Variants in ITGA9 observed in about 807,000 individuals in gnomAD.
ITGA9 encodes the protein integrin subunit alpha 9.
In ITGA9, 56 loss-of-function variants were observed where a neutral mutation model predicts 127.8. The ratio of observed to expected loss-of-function variants is 0.44; its 90% CI spans 0.35 to 0.55. The LOEUF (loss-of-function observed/expected upper bound fraction) is 0.55. Among genes scored for constraint, ITGA9 ranks in the 20% least tolerant of loss-of-function variants. ITGA9 has a pLI of 0.00. For synonymous variants in ITGA9, 508 were observed against 514.5 expected (o/e 0.99, Z 0.17); for missense variants, 1,196 against 1,347.1 (o/e 0.89, Z 1.76).
At chr3:37,718,458 G>C (rs1168813796) in intron 18 of ITGA9, among the ~76,000 whole-genome samples, 1 of 152,172 alleles carries the variant, frequency 6.6e-6, no homozygotes, top group Non-Finnish European at 1.5e-5. Flanking sequence ...ACCAGCATAA[G>C]AATCCCAGAG....
chr3:37,470,261 A>T (rs2125552591), intron 1 of ITGA9, among the ~76,000 whole-genome samples: 1 of 151,444 alleles, frequency 6.6e-6, no homozygotes, highest in South Asian at 2.1e-4. Context: ...GTCAAAGGGT[A>T]GGTGCATGTT....
intron 1 of ITGA9, among the ~76,000 whole-genome samples, chr3:37,456,538 C>A (rs1269551990): frequency 6.6e-6 from 1 of 152,236 alleles, no homozygotes; most frequent in Non-Finnish European, 1.5e-5. Flanking sequence ...CCCGTCCCCT[C>A]CTCCTTCTCT....
chr3:37,510,862 C>G (rs1698897581), intron 8 of ITGA9, among the ~76,000 whole-genome samples: 1 of 152,212 alleles, frequency 6.6e-6, no homozygotes. Flanking sequence ...CTTCCTTCTA[C>G]TAGTGTCTCC....
intron 23 of ITGA9, among the ~76,000 whole-genome samples, chr3:37,765,514 T>C (rs192518271): frequency 6.6e-6 from 1 of 152,304 alleles, no homozygotes; most frequent in East Asian, 1.9e-4. Context: ...GCAAGCTGAA[T>C]AGTCAAGTTC....
At chr3:37,486,616 G>C (rs989692316) in intron 4 of ITGA9, among the ~76,000 whole-genome samples, 1 of 152,176 alleles carries the variant, frequency 6.6e-6, no homozygotes, top group African/African-American at 2.4e-5. Context: ...TTAGTGACTA[G>C]ATAATGAAGG....
Position 37,629,923 on chromosome 3 carries a change from G to A in ITGA9, c.1839+587G>A, listed in dbSNP as rs1700214725. Among the ~76,000 whole-genome samples, 1 of 152,206 alleles carries A rather than the reference G, an allele frequency of 6.6e-6. No individual in the cohort carries two copies. The highest frequency in any genetic ancestry group is 6.5e-5 in the Admixed American group (1 of 15,290). ...AGCCTGTGCCTGATTTTGTGCAGCA[G>A]CGCTGGCCAGCTCTGAGGCGTGCAG... On this transcript the variant is annotated intron_variant, in intron 16 of 27. Transcript: ENST00000264741. This position sits in a 1 kb window ranked among gnomAD's most constrained non-coding sequence, Gnocchi z 4.5.
chr3:37,696,923 G>A (rs544677589), intron 18 of ITGA9, among the ~76,000 whole-genome samples: 4 of 152,238 alleles, frequency 2.6e-5, no homozygotes, highest in South Asian at 2.1e-4. Context: ...GCAGCCCTCC[G>A]GGGTCAGGAT....
At chr3:37,561,075 A>G (rs1486282071) in intron 15 of ITGA9, among the ~76,000 whole-genome samples, 2 of 151,984 alleles carry the variant, frequency 1.3e-5, no homozygotes, top group African/African-American at 2.4e-5. Flanking sequence ...AATTTAATCA[A>G]CCCCTTTAAA....
chr3:37,526,642 G>A (rs1050842992), intron 13 of ITGA9, among the ~76,000 whole-genome samples: 1 of 152,240 alleles, frequency 6.6e-6, no homozygotes, highest in African/African-American at 2.4e-5. Flanking sequence ...CTCCTGCAAA[G>A]GCCAGTGGGC....
At chr3:37,512,120 C>CTTTTCTTTTCTTTTCT (rs60763846) in intron 8 of ITGA9, among the ~76,000 whole-genome samples, 5 of 39,466 alleles carry the variant, frequency 1.3e-4, no homozygotes, top group African/African-American at 2.4e-4. Flanking sequence ...TTCCTTCCTT[C>CTTTTCTTTTCTTTTCT]TTTCTTTTCT....
In ITGA9 at chr3:37,766,088, C is replaced by T. The variant is rs553142799; in HGVS notation, c.2542-11304C>T. The stretch of plus-strand genomic sequence containing the variant: ...AGGGGTGATGGGTTGTTACCAAAGT[C>T]GATAACAGGAAATCTCACTGAGGAT... On this transcript the variant is annotated intron_variant, in intron 23 of 27. Coordinates refer to ENST00000264741, the MANE Select transcript of ITGA9 (RefSeq NM_002207.3). Among the ~76,000 whole-genome samples, 4 of 152,332 alleles carry T rather than the reference C, an allele frequency of 2.6e-5. No homozygotes were observed. In the South Asian group the frequency reaches 6.2e-4, roughly 24 times the overall value.
At chr3:37,740,677 G>C (rs974991195) in intron 20 of ITGA9, among the ~76,000 whole-genome samples, 1 of 152,248 alleles carries the variant, frequency 6.6e-6, no homozygotes, top group African/African-American at 2.4e-5. Context: ...TCTCCCTCTG[G>C]GGTTGCTCTG....
intron 20 of ITGA9, among the ~76,000 whole-genome samples, chr3:37,737,955 G>A (rs984461616): frequency 1.3e-5 from 2 of 152,138 alleles, no homozygotes; most frequent in African/African-American, 4.8e-5. Flanking sequence ...ATACTTCAGT[G>A]TGCATTCCCA....
chr3:37,618,135 G>A (rs546179122), intron 15 of ITGA9, among the ~76,000 whole-genome samples: 1 of 152,286 alleles, frequency 6.6e-6, no homozygotes, highest in Non-Finnish European at 1.5e-5. Flanking sequence ...TACAGATGGG[G>A]TTTTGGTGTG....
chr3:37,517,700 C>A, intron 10 of ITGA9, 91 bp downstream of exon 10: 1 of 913,748 alleles, frequency 1.1e-6, no homozygotes, highest in Non-Finnish European at 1.7e-6. Context: ...CTGTCCATCT[C>A]TAGTGGCATG....
In ITGA9 at chr3:37,518,211, T is replaced by C. The variant is rs143528669; in HGVS notation, c.1141+602T>C. On this transcript the variant is annotated intron_variant, in intron 10 of 27. Coordinates refer to ENST00000264741, the MANE Select transcript of ITGA9 (RefSeq NM_002207.3). The stretch of plus-strand genomic sequence containing the variant: ...AGCCTCTTGGCCTCTCTCTCTGGCT[T>C]GTTTGAGCCTCTTCACCTCGCTGCA... Among the ~76,000 whole-genome samples the C allele has an allele frequency of 2.2e-3, 329 of 152,084 alleles. 3 individuals carry two copies. The highest frequency in any genetic ancestry group is 7.5e-3 in the African/African-American group (313 of 41,496).
intron 23 of ITGA9, among the ~76,000 whole-genome samples, chr3:37,761,868 A>G (rs572590241): frequency 2.0e-5 from 3 of 152,380 alleles, no homozygotes; most frequent in African/African-American, 7.2e-5. Flanking sequence ...TACAGATGCC[A>G]TGGCAACTCC....
At chr3:37,486,761 C>G (rs1421362123) in intron 4 of ITGA9, among the ~76,000 whole-genome samples, 1 of 152,198 alleles carries the variant, frequency 6.6e-6, no homozygotes, top group Non-Finnish European at 1.5e-5. Flanking sequence ...TGACCTAAAA[C>G]TTTAACTCAT....
At chr3:37,535,456 G>T (rs1033874046) in intron 14 of ITGA9, among the ~76,000 whole-genome samples, 2 of 152,172 alleles carry the variant, frequency 1.3e-5, no homozygotes, top group African/African-American at 4.8e-5. Context: ...TCTTTCTGGG[G>T]CCCCATCTAG....
Sources: allele counts gnomAD v4.1 joint callset (sites outside exome capture counted in the v4.1 genomes callset), GRCh38; gene constraint gnomAD v4.1.1; non-coding constraint Gnocchi (gnomAD v3.1); transcripts MANE v1.5; gene names NCBI Gene and HGNC (gene_info 2026-07-23, HGNC 2026-07-21).